Variants in FTCD observed in about 807,000 individuals in gnomAD.
The protein encoded by FTCD is formimidoyltransferase-cyclodeaminase.
In FTCD, 76 loss-of-function variants were observed where a neutral mutation model predicts 62.9. That is an observed-to-expected ratio of 1.21 (90% CI 1.00 to 1.46). FTCD has a LOEUF of 1.46. Ranked by LOEUF, FTCD falls within the 40% of genes most tolerant of loss-of-function variation. The probability of loss-of-function intolerance (pLI) is 0.00; values close to 1 mark genes in which losing one functional copy is unlikely to be tolerated. For synonymous variants in FTCD, 397 were observed against 336.9 expected, an observed-to-expected ratio of 1.18 and a Z score of -1.95; for missense variants, 845 against 751.3, an observed-to-expected ratio of 1.12 and a Z score of -1.46.
intron 1 of FTCD, among the ~76,000 whole-genome samples, chr21:46,155,124 A>G (rs1428693280): frequency 6.6e-6 from 1 of 152,206 alleles, no homozygotes; most frequent in African/African-American, 2.4e-5. Context: ...GGCCTCACAC[A>G]GCCCTTTCAG....
chr21:46,151,661 G>C lies in FTCD; in HGVS notation c.533C>G (p.Ala178Gly). 9 of 1,612,944 alleles carry C rather than the reference G, an allele frequency of 5.6e-6. No individual in the cohort carries two copies. Among genetic ancestry groups the C allele is most frequent in the Non-Finnish European group, 6.8e-6 (8 of 1,179,880 alleles). The change falls in exon 5 of 14, where the codon GCG (alanine) becomes GGG (glycine). Residue 178 changes from alanine to glycine, a missense_variant. Physicochemically the swap from Ala to Gly is moderately conservative, Grantham distance 60 (BLOSUM62 0). Transcript: ENST00000397746. ...GTTAAAAGCAATGAGGAACTTCCTC[G>C]CCCCCGTGGCCGTGGCCCCCCAACT... ...VPSWGATATGARKFLIAFNIN... is the reference protein window; with the variant it reads ...VPSWGATATGGRKFLIAFNIN...
rs189299732 is a variant in FTCD at position 46,152,593 on chromosome 21, A to G, written c.367+314T>C. The G allele has an allele frequency of 4.0e-3, 1,168 of 292,600 alleles. 8 individuals carry two copies. The highest frequency in any genetic ancestry group is 6.3e-3 in the Middle Eastern group (6 of 954). The allele number at this position is 292,600 out of a possible 1,614,324, so 18.1% of individuals were successfully genotyped here. A position where few individuals can be genotyped will look rare whatever the true frequency, so the allele number is the denominator to read the frequency against. On this transcript the variant is annotated intron_variant, in intron 3 of 13. Transcript: ENST00000397746. Reference sequence around the variant, plus strand: ...TGTCCCGTTTGTCTCTGTTTGTTTCATATCATTTTCTTGATTTAGTTAATT... The same window carrying G: ...TGTCCCGTTTGTCTCTGTTTGTTTCGTATCATTTTCTTGATTTAGTTAATT...
intron 10 of FTCD, among the ~76,000 whole-genome samples, chr21:46,140,279 G>A (rs917702789): frequency 6.7e-6 from 1 of 149,234 alleles, no homozygotes; most frequent in Non-Finnish European, 1.5e-5. Context: ...CCTTCACATT[G>A]TTCACAGGGA....
In FTCD at chr21:46,145,914, G is replaced by T. The variant is rs1452645058; in HGVS notation, c.1002C>A (p.Gly334=). ...YLVPERGPER[G]LGSKSLRAFV... is the part of the protein sequence containing the mutation. ...AGGCGCGCAGGGACTTGCTGCCCAG[G>T]CCTCGCTCAGGCCCGCGCTCAGGGA... Residue 334 remains glycine, a synonymous_variant, in exon 9 of 14, where the codon GGC becomes GGA. Coordinates refer to ENST00000397746, the MANE Select transcript of FTCD (RefSeq NM_206965.2). The T allele has an allele frequency of 5.3e-6, 8 of 1,501,510 alleles. No homozygotes were observed. The South Asian group carries it at 9.9e-5, about 19-fold the overall frequency. The allele number at this position is 1,501,510 out of a possible 1,614,324, so 93.0% of individuals were successfully genotyped here. A position where few individuals can be genotyped will look rare whatever the true frequency, so the allele number is the denominator to read the frequency against.
chr21:46,152,586 T>G, intron 3 of FTCD: 1 of 270,880 alleles, frequency 3.7e-6, no homozygotes, highest in African/African-American at 2.2e-5. Context: ...TTGTCTCTGT[T>G]TGTTTCATAT....
At chr21:46,138,181 G>A (rs971042607) in intron 12 of FTCD, among the ~76,000 whole-genome samples, 3 of 152,162 alleles carry the variant, frequency 2.0e-5, no homozygotes, top group Admixed American at 6.5e-5. Context: ...GAGAACCATT[G>A]TGCCTGGGCT....
At chr21:46,147,806 C>T (rs1380536152) in intron 7 of FTCD, among the ~76,000 whole-genome samples, 4 of 151,660 alleles carry the variant, frequency 2.6e-5, no homozygotes, top group Non-Finnish European at 5.9e-5. Flanking sequence ...TAGCCAAGTG[C>T]GGTGGCACAC....
At chr21:46,136,597 C>T (rs2078871812), downstream of FTCD, 4 of 1,533,358 alleles carry the variant, frequency 2.6e-6, no homozygotes, top group Middle Eastern at 4.4e-4. Context: ...TGTGACCCTG[C>T]CCACTGTGGG....
chr21:46,151,080 T>G (rs953124346), intron 5 of FTCD, among the ~76,000 whole-genome samples: 9 of 152,124 alleles, frequency 5.9e-5, no homozygotes, highest in African/African-American at 2.2e-4. Context: ...GATGGGCAGG[T>G]GGTCCCCCCC....
intron 10 of FTCD, among the ~76,000 whole-genome samples, chr21:46,144,900 G>T (rs1430209937): frequency 6.6e-6 from 1 of 151,192 alleles, no homozygotes; most frequent in Admixed American, 6.6e-5. Context: ...TGATGCTCAT[G>T]TTCCTGTCCC....
chr21:46,149,227 G>A (rs9974320), intron 7 of FTCD, among the ~76,000 whole-genome samples: 39,206 of 152,010 alleles, frequency 0.26, 5,324 homozygotes, highest in African/African-American at 0.34. Context: ...GGCCACAAAC[G>A]CACCAATGAT....
At chr21:46,141,824 G>A (rs985067648) in intron 10 of FTCD, among the ~76,000 whole-genome samples, 2 of 152,202 alleles carry the variant, frequency 1.3e-5, no homozygotes, top group South Asian at 4.1e-4. Flanking sequence ...AAAAACCACT[G>A]CTAAATGTAC....
chr21:46,136,487 T>A (rs1285298604), downstream of FTCD: 2 of 1,612,484 alleles, frequency 1.2e-6, no homozygotes, highest in East Asian at 4.5e-5. Flanking sequence ...CTGCTGTCCC[T>A]GGGGTTTCTG....
intron 10 of FTCD, among the ~76,000 whole-genome samples, chr21:46,139,932 G>A (rs151235444): frequency 0.016 from 2,422 of 152,322 alleles, 46 homozygotes; most frequent in East Asian, 0.028. Context: ...TTGGCCAAGG[G>A]TGTGCTTTAG....
chr21:46,154,549 A>G (rs7279849), intron 1 of FTCD, among the ~76,000 whole-genome samples: 119,663 of 152,178 alleles, frequency 0.79, 47,388 homozygotes, highest in Middle Eastern at 0.84. Context: ...GCCCAAGCAC[A>G]GTCCCCACAA....
chr21:46,136,940 G>A lies in FTCD; in HGVS notation c.*47C>T, dbSNP rs754856362. 6 of 1,612,086 alleles carry A rather than the reference G, an allele frequency of 3.7e-6. No homozygotes were observed. The South Asian group carries it at 5.5e-5, about 15-fold the overall frequency. On this transcript the variant is annotated 3_prime_UTR_variant, in exon 14 of 14. Coordinates refer to ENST00000397746, the MANE Select transcript of FTCD (RefSeq NM_206965.2). ...CGAGGTCACAGCTCTGCCCTCTGGG[G>A]ATGGGCGAGGGAGGGGCCACAGAGC...
Position 46,155,565 on chromosome 21 carries a change from A to G in FTCD, c.-42T>C, listed in dbSNP as rs372968557. 74 of 1,572,272 alleles carry G rather than the reference A, an allele frequency of 4.7e-5. No individual in the cohort carries two copies. The highest frequency in any genetic ancestry group is 6.4e-5 in the Non-Finnish European group (73 of 1,143,374). The stretch of plus-strand genomic sequence containing the variant: ...CAGATGCTCCTCTCTGGGCAGATGG[A>G]AGGACAGGGCCAGTGCTCCGCAGCC... On this transcript the variant is annotated 5_prime_UTR_variant, in exon 1 of 14. Transcript: ENST00000397746.
chr21:46,155,450 A>G lies in FTCD; in HGVS notation c.54+20T>C, dbSNP rs1438331310. The G allele has an allele frequency of 6.2e-7, 1 of 1,604,898 alleles. No individual in the cohort carries two copies. The highest frequency in any genetic ancestry group is 8.5e-7 in the Non-Finnish European group (1 of 1,172,664). On this transcript the variant is annotated intron_variant, in intron 1 of 13. Transcript: ENST00000397746. ...CTGCCCCATCAGCCCTAGATGCTTGACCAGCTCCTCGGGCCTCACCTCCTG... is the reference window on the plus strand; with the variant it reads ...CTGCCCCATCAGCCCTAGATGCTTGGCCAGCTCCTCGGGCCTCACCTCCTG...
At position 46,151,750 on chromosome 21, in the gene FTCD, T is replaced by TC. The variant is rs759192778; in HGVS notation, c.457-14dup. The TC allele has an allele frequency of 4.4e-5, 71 of 1,612,312 alleles. No homozygotes were observed. Among genetic ancestry groups the TC allele is most frequent in the Non-Finnish European group, 5.7e-5 (67 of 1,179,910 alleles). ...CGGCCTGCTGGAGCTGTGAGCAAGTTCGCTCTGGGGTGAGACATCCCCCAC... is the reference window on the plus strand; with the variant it reads ...CGGCCTGCTGGAGCTGTGAGCAAGTTCCGCTCTGGGGTGAGACATCCCCCAC... On this transcript the variant is annotated splice_polypyrimidine_tract_variant and intron_variant, in intron 4 of 13. Transcript: ENST00000397746.
Sources: allele counts gnomAD v4.1 joint callset (sites outside exome capture counted in the v4.1 genomes callset), GRCh38; gene constraint gnomAD v4.1.1; transcripts MANE v1.5; gene names NCBI Gene and HGNC (gene_info 2026-07-23, HGNC 2026-07-21).